The following GFRAL variants were observed in gnomAD, a reference collection of about 807,000 sequenced individuals.
The protein encoded by GFRAL is GDNF family receptor alpha-like.
GFRAL carries 36 observed loss-of-function variants against 45.4 expected under a neutral mutation model. The ratio of observed to expected loss-of-function variants is 0.79; its 90% CI spans 0.61 to 1.05. The LOEUF is 1.05. Ranked by LOEUF, GFRAL falls within the 50% of genes least tolerant of loss-of-function variation. The pLI is 0.00. For synonymous variants in GFRAL, 166 were observed against 154.1 expected, an observed-to-expected ratio of 1.08 and a Z score of -0.57; for missense variants, 507 against 467.5, an observed-to-expected ratio of 1.08 and a Z score of -0.78.
chr6:55,354,450 T>C (rs1202231875), intron 5 of GFRAL, among the ~76,000 whole-genome samples: 1 of 152,062 alleles, frequency 6.6e-6, no homozygotes, highest in Non-Finnish European at 1.5e-5. Context: ...TATACATATA[T>C]GTATTTCTTC....
chr6:55,331,567 A>T (rs1188444033), intron 1 of GFRAL, 148 bp from the exon 2 acceptor site: 2 of 547,686 alleles, frequency 3.7e-6, no homozygotes, highest in Admixed American at 3.9e-5. Flanking sequence ...ATCTACAGCT[A>T]GAGAGGAGGT....
At chr6:55,340,684 G>A (rs560068735) in intron 3 of GFRAL, among the ~76,000 whole-genome samples, 1 of 152,282 alleles carries the variant, frequency 6.6e-6, no homozygotes, top group African/African-American at 2.4e-5. Context: ...GGGCAGGATA[G>A]TGGGTGCAGC....
chr6:55,353,402 T>C (rs368050092), intron 5 of GFRAL, among the ~76,000 whole-genome samples: 19 of 152,038 alleles, frequency 1.2e-4, no homozygotes, highest in African/African-American at 4.6e-4. Flanking sequence ...AAGAACTGCT[T>C]CCCTATAGCA....
chr6:55,342,325 C>A (rs773916711), intron 3 of GFRAL, among the ~76,000 whole-genome samples: 3 of 152,192 alleles, frequency 2.0e-5, no homozygotes, highest in Non-Finnish European at 4.4e-5. Flanking sequence ...CAGCAGATCT[C>A]TCGGCAGAAA....
At chr6:55,338,855 T>A (rs972368970) in intron 3 of GFRAL, among the ~76,000 whole-genome samples, 9 of 152,152 alleles carry the variant, frequency 5.9e-5, no homozygotes, top group African/African-American at 2.2e-4. Flanking sequence ...AACTTACATA[T>A]CTTTCTAAAG....
At chr6:55,376,352 A>G (rs867139412) in intron 6 of GFRAL, among the ~76,000 whole-genome samples, 10 of 152,202 alleles carry the variant, frequency 6.6e-5, no homozygotes, top group Middle Eastern at 3.4e-3. Flanking sequence ...AGGTTTTGGT[A>G]TCAGGATGAT....
chr6:55,386,602 A>G (rs1229871135), intron 6 of GFRAL, among the ~76,000 whole-genome samples: 2 of 152,158 alleles, frequency 1.3e-5, no homozygotes, highest in African/African-American at 4.8e-5. Flanking sequence ...GAGAGGCATC[A>G]TATCTGGCTG....
Position 55,351,562 on chromosome 6 carries a change from G to C in GFRAL, c.680G>C (p.Cys227Ser). 1 of 1,598,798 alleles carries C rather than the reference G, an allele frequency of 6.3e-7. No individual in the cohort carries two copies. ...ACTTGCCTCAGTGTAATTCGCAGCT[G>C]CCAAAATGATGAATTATGCAGGTGG... Reference protein sequence around the residue: ...PPTCLSVIRSCQNDELCRRHY... With the variant: ...PPTCLSVIRSSQNDELCRRHY... Residue 227 changes from cysteine to serine, a missense_variant, in exon 5 of 9, where the codon TGC becomes TCC. By Grantham distance (112) the Cys-to-Ser change is moderately radical. Coordinates refer to ENST00000340465, the MANE Select transcript of GFRAL (RefSeq NM_207410.2).
chr6:55,359,214 G>T, intron 6 of GFRAL, 76 bp downstream of exon 6: 2 of 1,186,984 alleles, frequency 1.7e-6, no homozygotes, highest in Non-Finnish European at 2.3e-6. Flanking sequence ...TTTTGTTTTT[G>T]CCTATACAGT....
At chr6:55,364,400 C>A (rs1453650255) in intron 6 of GFRAL, among the ~76,000 whole-genome samples, 1 of 148,086 alleles carries the variant, frequency 6.8e-6, no homozygotes, top group Non-Finnish European at 1.5e-5. Context: ...CCTGTTCACT[C>A]TGATGGTAGT....
chr6:55,400,948 T>C (rs6900273), intron 8 of GFRAL, among the ~76,000 whole-genome samples: 103,915 of 151,960 alleles, frequency 0.68, 35,936 homozygotes, highest in East Asian at 0.78. Context: ...ACATACAGAA[T>C]GTATAAAATT....
At chr6:55,357,317 C>T (rs1768207908) in intron 5 of GFRAL, among the ~76,000 whole-genome samples, 1 of 151,786 alleles carries the variant, frequency 6.6e-6, no homozygotes, top group Non-Finnish European at 1.5e-5. Flanking sequence ...AGGTCTAATA[C>T]TATTTGCTTT....
At chr6:55,385,750 G>T (rs1768673867) in intron 6 of GFRAL, among the ~76,000 whole-genome samples, 1 of 152,086 alleles carries the variant, frequency 6.6e-6, no homozygotes, top group African/African-American at 2.4e-5. Context: ...TTTGTTTGAT[G>T]AGAGGCAATT....
At position 55,365,607 on chromosome 6, in the gene GFRAL, A is replaced by G. The variant is rs1768350533; in HGVS notation, c.952+6469A>G. Among the ~76,000 whole-genome samples, 6 of 113,310 alleles carry G rather than the reference A, an allele frequency of 5.3e-5. 1 individual carries two copies. In the South Asian group the frequency reaches 1.5e-3, roughly 29 times the overall value. 74.3% of individuals were successfully genotyped at this position (113,310 alleles called of 152,430 possible). A position where few individuals can be genotyped will look rare whatever the true frequency, so the allele number is the denominator to read the frequency against. On this transcript the variant is annotated intron_variant, in intron 6 of 8. Transcript: ENST00000340465. ...TAGATAGCTCTTATTATTTTGAAAT[A>G]TGTCCCATCAATACCTAATTTATTG...
At chr6:55,374,094 G>T (rs1478458000) in intron 6 of GFRAL, among the ~76,000 whole-genome samples, 2 of 152,014 alleles carry the variant, frequency 1.3e-5, no homozygotes, top group African/African-American at 4.8e-5. Flanking sequence ...CCTTTTTATG[G>T]CTGCATAGTA....
intron 3 of GFRAL, among the ~76,000 whole-genome samples, chr6:55,342,690 T>C (rs1240510675): frequency 6.6e-6 from 1 of 151,966 alleles, no homozygotes; most frequent in African/African-American, 2.4e-5. Context: ...TAACCTTAAA[T>C]GTAAATGGGC....
chr6:55,344,073 G>T (rs1425814987), intron 3 of GFRAL, among the ~76,000 whole-genome samples: 1 of 152,038 alleles, frequency 6.6e-6, no homozygotes, highest in African/African-American at 2.4e-5. Context: ...AAAAGTCCAG[G>T]ACCAGATGGA....
intron 5 of GFRAL, among the ~76,000 whole-genome samples, chr6:55,358,359 A>G (rs1310350562): frequency 6.6e-6 from 1 of 152,020 alleles, no homozygotes; most frequent in Non-Finnish European, 1.5e-5. Context: ...CAATTTTATT[A>G]CAGCAATAAT....
chr6:55,345,948 T>C (rs533603911), intron 3 of GFRAL, among the ~76,000 whole-genome samples: 1,976 of 152,034 alleles, frequency 0.013, 23 homozygotes, highest in Non-Finnish European at 0.022. Context: ...AAATGCTCAC[T>C]ATCACTGGCC....
Sources: gnomAD v4.1 joint callset for allele counts (sites outside exome capture counted in the v4.1 genomes callset) on GRCh38, gnomAD v4.1.1 for gene constraint, MANE v1.5 for transcripts, NCBI Gene and HGNC (gene_info 2026-07-23, HGNC 2026-07-21) for gene names.